The following RANBP2 variants were observed in gnomAD, a reference collection of about 807,000 sequenced individuals.
The protein encoded by RANBP2 is E3 SUMO-protein ligase RanBP2.
Under a neutral mutation model 303.6 loss-of-function variants are expected in RANBP2, and 57 were observed. The observed-to-expected ratio is 0.19, with a 90% CI of 0.15 to 0.23. The LOEUF is 0.23. Among genes scored for constraint, RANBP2 ranks in the 10% least tolerant of loss-of-function variants. RANBP2 has a pLI of 1.00. For synonymous variants in RANBP2, 1,167 were observed against 1,301.5 expected (o/e 0.90, Z 2.23); for missense variants, 3,138 against 3,780.8 (o/e 0.83, Z 4.46).
chr2:109,722,948 T>C, the RANBP2 span, among the ~76,000 whole-genome samples: 1 of 152,216 alleles, frequency 6.6e-6, no homozygotes, highest in Non-Finnish European at 1.5e-5. Flanking sequence ...TGTATCTTTA[T>C]AATGGAATGA....
At chr2:108,860,935 C>CTTTTT in the RANBP2 span, among the ~76,000 whole-genome samples, 30 of 37,926 alleles carry the variant, frequency 7.9e-4, 9 homozygotes, top group South Asian at 2.7e-3. Flanking sequence ...TGGTCCAGGA[C>CTTTTT]TTTTTTTTTT....
the RANBP2 span, among the ~76,000 whole-genome samples, chr2:109,063,080 T>C: frequency 6.6e-6 from 1 of 152,162 alleles, no homozygotes; most frequent in Non-Finnish European, 1.5e-5. Context: ...CTGGAGTGTG[T>C]GCCCCCCACC....
At chr2:108,825,221 C>G in the RANBP2 span, among the ~76,000 whole-genome samples, 12 of 152,028 alleles carry the variant, frequency 7.9e-5, no homozygotes, top group African/African-American at 2.7e-4. Context: ...ACACAAAAAC[C>G]AAGAGCACCA....
At chr2:109,150,122 C>T in the RANBP2 span, among the ~76,000 whole-genome samples, 1 of 152,130 alleles carries the variant, frequency 6.6e-6, no homozygotes, top group African/African-American at 2.4e-5. Context: ...AGAAGGCCAA[C>T]AAAAGGTGGT....
chr2:109,592,976 C>A, the RANBP2 span: 1 of 955,952 alleles, frequency 1.0e-6, no homozygotes, highest in Admixed American at 2.7e-5. Flanking sequence ...AGTCTATAAG[C>A]ACTCCAAGTA....
At chr2:109,468,990 G>A in the RANBP2 span, among the ~76,000 whole-genome samples, 1 of 150,684 alleles carries the variant, frequency 6.6e-6, no homozygotes, top group South Asian at 2.1e-4. Context: ...TGCATGTCAA[G>A]CTCAAGGTCT....
the RANBP2 span, among the ~76,000 whole-genome samples, chr2:109,154,079 C>T: frequency 2.8e-3 from 431 of 152,298 alleles, 2 homozygotes; most frequent in African/African-American, 9.9e-3. Flanking sequence ...AGTATGAACA[C>T]TGTCAATATG....
the RANBP2 span, chr2:109,585,069 A>G: frequency 8.5e-6 from 9 of 1,055,672 alleles, no homozygotes. Context: ...ATGGGGCTAT[A>G]AGGCGAATGT....
the RANBP2 span, among the ~76,000 whole-genome samples, chr2:109,352,871 G>A: frequency 6.6e-6 from 1 of 152,364 alleles, no homozygotes; most frequent in South Asian, 2.1e-4. Context: ...AGGGAGTTTG[G>A]ATAAACTGCA....
the RANBP2 span, among the ~76,000 whole-genome samples, chr2:109,515,108 G>A: frequency 4.5e-4 from 68 of 152,328 alleles, no homozygotes; most frequent in African/African-American, 1.6e-3. Context: ...AGGGTTTACC[G>A]CACATGCTGG....
chr2:109,313,899 T>TG, the RANBP2 span, among the ~76,000 whole-genome samples: 47,396 of 151,932 alleles, frequency 0.31, 9,173 homozygotes, highest in African/African-American at 0.55. Flanking sequence ...AGGAGATATT[T>TG]GAAAGGTGTG....
chr2:109,341,162 G>A, the RANBP2 span, among the ~76,000 whole-genome samples: 1 of 152,124 alleles, frequency 6.6e-6, no homozygotes, highest in African/African-American at 2.4e-5. Flanking sequence ...GAAAAGAGGG[G>A]ACAAAACAAA....
the RANBP2 span, among the ~76,000 whole-genome samples, chr2:109,693,568 T>G: frequency 6.6e-6 from 1 of 152,314 alleles, no homozygotes; most frequent in East Asian, 1.9e-4. Flanking sequence ...GGGTTTCCCC[T>G]TTCACTTGAC....
rs928298506 is a variant in RANBP2, at chr2:108,764,743, G to A, written c.4204G>A (p.Glu1402Lys). ...TGTTTTTACTCCTAAAACCAGCCCAGAGAATGTTCAAGATCGATTTGCATT... is the reference window on the plus strand; with the variant it reads ...TGTTTTTACTCCTAAAACCAGCCCAAAGAATGTTCAAGATCGATTTGCATT... Reference protein sequence around the residue: ...ETVFTPKTSPENVQDRFALVT... With the variant: ...ETVFTPKTSPKNVQDRFALVT... Residue 1402 changes from glutamate to lysine, a missense_variant, in exon 20 of 29, where the codon GAG becomes AAG. This residue lies in a region of RANBP2 where 388 missense variants were observed against 328.5 expected (regional missense o/e 1.18). Coordinates refer to ENST00000283195, the MANE Select transcript of RANBP2 (RefSeq NM_006267.5). The A allele has an allele frequency of 6.2e-7, 1 of 1,613,940 alleles. No homozygotes were observed. Among genetic ancestry groups the A allele is most frequent in the Non-Finnish European group, 8.5e-7 (1 of 1,179,992 alleles).
At chr2:109,555,483 C>T in the RANBP2 span, among the ~76,000 whole-genome samples, 1 of 152,136 alleles carries the variant, frequency 6.6e-6, no homozygotes, top group East Asian at 1.9e-4. Flanking sequence ...CTGTTGCAGG[C>T]CAAAAGAATG....
rs1162058359 is a variant in RANBP2 at position 108,764,416 on chromosome 2, C to T, written c.3877C>T (p.Leu1293Phe). The T allele has an allele frequency of 1.9e-6, 3 of 1,613,898 alleles. No homozygotes were observed. Among genetic ancestry groups the T allele is most frequent in the Non-Finnish European group, 2.5e-6 (3 of 1,179,988 alleles). Residue 1293 changes from leucine to phenylalanine, a missense_variant, in exon 20 of 29, where the codon CTT becomes TTT. Physicochemically the swap from Leu to Phe is conservative, Grantham distance 22. This residue lies in a region of RANBP2 where 72 missense variants were observed against 119.5 expected (regional missense o/e 0.60). Coordinates refer to ENST00000283195, the MANE Select transcript of RANBP2 (RefSeq NM_006267.5). ...IRFKTPEEAA[L>F]FKCKFEEAQS... ...GTTCAAAACTCCTGAGGAAGCAGCA[C>T]TTTTTAAATGCAAGTTTGAAGAAGC...
the RANBP2 span, among the ~76,000 whole-genome samples, chr2:108,926,037 T>C: frequency 0.64 from 97,635 of 152,148 alleles, 34,418 homozygotes; most frequent in Middle Eastern, 0.81. Context: ...CACGTATTGC[T>C]GCATGCAACA....
the RANBP2 span, among the ~76,000 whole-genome samples, chr2:109,550,854 G>A: frequency 1.3e-5 from 2 of 152,130 alleles, no homozygotes; most frequent in East Asian, 3.8e-4. Flanking sequence ...TGGTTGTAAC[G>A]TAGCTGCATT....
chr2:109,254,284 A>G, the RANBP2 span, among the ~76,000 whole-genome samples: 10 of 152,236 alleles, frequency 6.6e-5, no homozygotes, highest in African/African-American at 2.4e-4. Context: ...ACGCAGCAGC[A>G]TAGTGGCTTA....
Sources: allele counts gnomAD v4.1 joint callset (sites outside exome capture counted in the v4.1 genomes callset), GRCh38; gene constraint gnomAD v4.1.1; regional missense constraint gnomAD v4.1.1; transcripts MANE v1.5; gene names NCBI Gene and HGNC (gene_info 2026-07-23, HGNC 2026-07-21).